Variants in PPP4R3B observed in about 807,000 individuals in gnomAD.
PPP4R3B encodes protein phosphatase 4 regulatory subunit 3B.
Under a neutral mutation model 95.4 loss-of-function variants are expected in PPP4R3B, and 52 were observed. The observed-to-expected ratio is 0.54, with a 90% confidence interval of 0.44 to 0.69. PPP4R3B has a LOEUF of 0.69. Among genes scored for constraint, PPP4R3B ranks in the 30% least tolerant of loss-of-function variants. The probability of loss-of-function intolerance (pLI) is 0.00; values close to 1 mark genes in which losing one functional copy is unlikely to be tolerated. For missense variants in PPP4R3B, 1,003 were observed against 1,005.9 expected, an observed-to-expected ratio of 1.00 and a Z score of 0.04; for synonymous variants, 407 against 343.9, an observed-to-expected ratio of 1.18 and a Z score of -2.03.
intron 4 of PPP4R3B, among the ~76,000 whole-genome samples, chr2:55,590,330 C>G (rs760698530): frequency 1.8e-3 from 270 of 152,058 alleles, no homozygotes; most frequent in Non-Finnish European, 3.1e-3. Flanking sequence ...TCCGTCTCAA[C>G]AACAACAAAA....
chr2:55,616,406 C>T (rs750094917), intron 1 of PPP4R3B: 1 of 152,190 alleles, frequency 6.6e-6, no homozygotes, highest in African/African-American at 2.4e-5. Context: ...ATCAGTTGTT[C>T]AAATCAAGTC....
intron 16 of PPP4R3B, among the ~76,000 whole-genome samples, chr2:55,557,522 C>G (rs1365960154): frequency 6.6e-6 from 1 of 152,042 alleles, no homozygotes; most frequent in African/African-American, 2.4e-5. Flanking sequence ...CTAAATTGTC[C>G]CATCATAAAG....
At chr2:55,600,372 G>C (rs1483726839) in intron 3 of PPP4R3B, among the ~76,000 whole-genome samples, 2 of 120,218 alleles carry the variant, frequency 1.7e-5, no homozygotes, top group Admixed American at 2.4e-4. Context: ...GTTGCAGTGA[G>C]CCGAGATCAC....
chr2:55,598,199 G>T (rs1371802061), intron 4 of PPP4R3B, among the ~76,000 whole-genome samples: 5 of 152,134 alleles, frequency 3.3e-5, no homozygotes, highest in Admixed American at 2.0e-4. Flanking sequence ...CAGCCTGGGC[G>T]ACAGAACGAG....
chr2:55,586,812 T>G (rs1690208209), intron 5 of PPP4R3B, 78 bp from the exon 6 acceptor site: 2 of 791,022 alleles, frequency 2.5e-6, no homozygotes, highest in Non-Finnish European at 4.1e-6. Context: ...TACCATGGTG[T>G]GGTATTCACC....
intron 11 of PPP4R3B, among the ~76,000 whole-genome samples, chr2:55,575,268 C>G (rs76494500): frequency 3.2e-4 from 48 of 151,670 alleles, no homozygotes; most frequent in Non-Finnish European, 6.3e-4. Context: ...TATCAACTCA[C>G]GATGTCCATA....
At chr2:55,576,746 ATGTCT>A (rs1688735429) in intron 11 of PPP4R3B, among the ~76,000 whole-genome samples, 1 of 152,208 alleles carries the variant, frequency 6.6e-6, no homozygotes, top group Non-Finnish European at 1.5e-5. Flanking sequence ...TGTTAAACAA[ATGTCT>A]TGTCTTCATC....
intron 15 of PPP4R3B, among the ~76,000 whole-genome samples, chr2:55,559,320 T>A (rs1686280009): frequency 6.6e-6 from 1 of 151,970 alleles, no homozygotes; most frequent in South Asian, 2.1e-4. Context: ...CACTCCAGCC[T>A]GGGCAACAAG....
rs1211751732 is a variant in PPP4R3B, at chr2:55,564,983, G to A, written c.1994C>T (p.Ser665Leu). 1.9e-6 allele frequency: 3 copies of A among 1,609,506 alleles called. No homozygotes were observed. Among genetic ancestry groups the A allele is most frequent in the Non-Finnish European group, 2.5e-6 (3 of 1,178,020 alleles). Residue 665 changes from serine (S) to leucine (L), a missense_variant, in exon 14 of 17, where the codon TCG (serine) becomes TTG (leucine). By Grantham distance (145) the Ser-to-Leu change is moderately radical (BLOSUM62 -2). Coordinates refer to ENST00000616407, the MANE Select transcript of PPP4R3B (RefSeq NM_001122964.3). ...TTTGAATGTCTGAACATATTCAATCGATTCAAGTGCTTTATAAAAGTTTTC... is the reference window on the plus strand; with the variant it reads ...TTTGAATGTCTGAACATATTCAATCAATTCAAGTGCTTTATAAAAGTTTTC... ...IVENFYKALE[S>L]IEYVQTFKGL...
chr2:55,564,006 C>T (rs1686963449), intron 15 of PPP4R3B, among the ~76,000 whole-genome samples: 1 of 152,084 alleles, frequency 6.6e-6, no homozygotes. Context: ...TCTGTTATTA[C>T]TGAGAATTTC....
In PPP4R3B at chr2:55,617,360, G is replaced by C; in HGVS notation, c.-75C>G. 6 of 1,420,316 alleles carry C rather than the reference G, an allele frequency of 4.2e-6. No homozygotes were observed. The highest frequency in any genetic ancestry group is 1.5e-5 in the South Asian group (1 of 66,578). The allele number at this position is 1,420,316 out of a possible 1,614,324, so 88.0% of individuals were successfully genotyped here. ...TCCGCGCTCCTCACTCTTAGGAGAC[G>C]GTAAAGGCAGTAGTGGCGGTGGCGG... On this transcript the variant is annotated 5_prime_UTR_variant, in exon 1 of 17. Transcript: ENST00000616407.
chr2:55,551,145 T>A (rs891933656), intron 16 of PPP4R3B, among the ~76,000 whole-genome samples: 1 of 151,894 alleles, frequency 6.6e-6, no homozygotes, highest in African/African-American at 2.4e-5. Context: ...TGAGAGATAA[T>A]GAGTTCAAAA....
chr2:55,603,890 C>A, intron 3 of PPP4R3B, 88 bp downstream of exon 3: 2 of 832,190 alleles, frequency 2.4e-6, no homozygotes, highest in East Asian at 2.8e-5. Context: ...ACTATCTCGC[C>A]ACATCCTAAT....
chr2:55,556,725 T>C (rs1336113447), intron 16 of PPP4R3B, among the ~76,000 whole-genome samples: 1 of 152,130 alleles, frequency 6.6e-6, no homozygotes, highest in Non-Finnish European at 1.5e-5. Context: ...AATAATTTAA[T>C]CTTCCCAACA....
intron 15 of PPP4R3B, among the ~76,000 whole-genome samples, chr2:55,559,876 C>T (rs1686367577): frequency 6.6e-6 from 1 of 152,176 alleles, no homozygotes; most frequent in Non-Finnish European, 1.5e-5. Context: ...AATCCCAGCA[C>T]TTTGGGTGGC....
chr2:55,584,467 CCTA>C (rs1369239717), intron 7 of PPP4R3B, among the ~76,000 whole-genome samples: 1 of 151,982 alleles, frequency 6.6e-6, no homozygotes, highest in Non-Finnish European at 1.5e-5. Flanking sequence ...TACACTGCAC[CCTA>C]TTTGTAGTTT....
rs180827404 is a variant in PPP4R3B, at chr2:55,549,582, C to G, written c.*329G>C. 2 of 237,554 alleles carry G rather than the reference C, an allele frequency of 8.4e-6. No homozygotes were observed. The highest frequency in any genetic ancestry group is 1.6e-5 in the Non-Finnish European group (2 of 123,230). 14.7% of individuals were successfully genotyped at this position (237,554 alleles called of 1,614,324 possible). On this transcript the variant is annotated 3_prime_UTR_variant, in exon 17 of 17. Coordinates refer to ENST00000616407, the MANE Select transcript of PPP4R3B (RefSeq NM_001122964.3). ...CTAGATCGACACCCCGAGGAGCAAC[C>G]CTGCATTATTATATCAACCTTTTCC...
At position 55,564,570 on chromosome 2, in the gene PPP4R3B, T is replaced by C. The variant is rs753308749; in HGVS notation, c.2076-73A>G. On this transcript the variant is annotated intron_variant, in intron 14 of 16. Coordinates refer to ENST00000616407, the MANE Select transcript of PPP4R3B (RefSeq NM_001122964.3). Reference sequence around the variant, plus strand: ...ATCAGATTGAACTGAAGGAAAAATATGTATAACCAAGATGAACTGAAGTAA... The same window carrying C: ...ATCAGATTGAACTGAAGGAAAAATACGTATAACCAAGATGAACTGAAGTAA... 3 of 1,326,554 alleles carry C rather than the reference T, an allele frequency of 2.3e-6. No individual in the cohort carries two copies. In the East Asian group the frequency reaches 7.3e-5, roughly 32 times the overall value. The allele number at this position is 1,326,554 out of a possible 1,614,324, so 82.2% of individuals were successfully genotyped here.
chr2:55,588,803 T>A (rs750122684), intron 5 of PPP4R3B, 76 bp downstream of exon 5: 1 of 905,730 alleles, frequency 1.1e-6, no homozygotes, highest in Non-Finnish European at 1.7e-6. Context: ...TTGTCTCAAG[T>A]TAGCAAATTC....
Sources: gnomAD v4.1 joint callset for allele counts (sites outside exome capture counted in the v4.1 genomes callset) on GRCh38, gnomAD v4.1.1 for gene constraint, MANE v1.5 for transcripts, NCBI Gene and HGNC (gene_info 2026-07-23, HGNC 2026-07-21) for gene names.